FNDC5: variants seen among roughly 807,000 people sequenced by gnomAD.
The protein encoded by FNDC5 is fibronectin type III domain-containing protein 5.
In FNDC5, 10 loss-of-function variants were observed where a neutral mutation model predicts 24.6. The ratio of observed to expected loss-of-function variants is 0.41; its 90% CI spans 0.25 to 0.69. The LOEUF (loss-of-function observed/expected upper bound fraction) is 0.69. Ranked by LOEUF, FNDC5 falls within the 30% of genes least tolerant of loss-of-function variation. The pLI, the probability that FNDC5 is intolerant of heterozygous loss-of-function variation, is 0.34. For synonymous variants in FNDC5, 90 were observed against 110.7 expected (o/e 0.81, Z 1.18); for missense variants, 226 against 282.9 (o/e 0.80, Z 1.44).
intron 4 of FNDC5, among the ~76,000 whole-genome samples, chr1:32,867,115 A>T (rs1476178468): frequency 1.3e-5 from 2 of 152,200 alleles, no homozygotes; most frequent in East Asian, 3.8e-4. Flanking sequence ...AAACAAAAAA[A>T]AACTTGGTCT....
rs1641161805 is a variant in FNDC5 at position 32,870,564 on chromosome 1, G to C, written c.94+89C>G. 7.6e-6 allele frequency: 6 copies of C among 794,222 alleles called. No homozygotes were observed. In the Admixed American group the frequency reaches 2.5e-4, roughly 33 times the overall value. 49.2% of individuals were successfully genotyped at this position (794,222 alleles called of 1,614,324 possible). A position where few individuals can be genotyped will look rare whatever the true frequency, so the allele number is the denominator to read the frequency against. On this transcript the variant is annotated intron_variant, in intron 1 of 5. Transcript: ENST00000373471. The stretch of plus-strand genomic sequence containing the variant: ...TTTGGGCCGAGACAGGAGTCCCTAG[G>C]GGGCAGAGAAAGGACCAGGGGACTC...
intron 4 of FNDC5, among the ~76,000 whole-genome samples, chr1:32,865,315 T>C (rs2148709765): frequency 6.6e-6 from 1 of 150,608 alleles, no homozygotes; most frequent in Admixed American, 6.6e-5. Flanking sequence ...GTCAGGCTGG[T>C]CTCGAACTCC....
At chr1:32,867,522 T>TAC (rs111725524) in intron 4 of FNDC5, among the ~76,000 whole-genome samples, 133 of 152,336 alleles carry the variant, frequency 8.7e-4, no homozygotes, top group African/African-American at 3.1e-3. Flanking sequence ...CGAAGGCAAG[T>TAC]ACTCATCTAA....
Position 32,863,840 on chromosome 1 carries a change from G to T in FNDC5, c.*454C>A, listed in dbSNP as rs1482979494. The stretch of plus-strand genomic sequence containing the variant: ...TGTGAATAGCCTTCTTGCAAGGCTG[G>T]AAACAGGACAGAAGAAGGAAGGGAG... On this transcript the variant is annotated 3_prime_UTR_variant, in exon 6 of 6. Transcript: ENST00000373471. The T allele has an allele frequency of 1.1e-5, 14 of 1,306,338 alleles. No individual in the cohort carries two copies. Among genetic ancestry groups the T allele is most frequent in the Non-Finnish European group, 1.1e-5 (11 of 990,472 alleles). The allele number at this position is 1,306,338 out of a possible 1,614,324, so 80.9% of individuals were successfully genotyped here.
chr1:32,869,031 C>T, intron 1 of FNDC5, 34 bp from the exon 2 acceptor site: 9 of 1,178,708 alleles, frequency 7.6e-6, no homozygotes, highest in Non-Finnish European at 8.5e-6. Context: ...GCCTGAGCAT[C>T]CCCTATTGTG....
Position 32,868,433 on chromosome 1 carries a change from C to A in FNDC5, c.211-45G>T. 6.3e-7 allele frequency: 1 copy of A among 1,581,336 alleles called. No homozygotes were observed. The highest frequency in any genetic ancestry group is 1.7e-5 in the Admixed American group (1 of 57,474). Reference sequence around the variant, plus strand: ...ACTGCTGTCAACACTCGGTGACCAGCCCCGCTCCTGCCCACCTCCCAGTGG... The same window carrying A: ...ACTGCTGTCAACACTCGGTGACCAGACCCGCTCCTGCCCACCTCCCAGTGG... On this transcript the variant is annotated intron_variant, in intron 2 of 5. Transcript: ENST00000373471. This position sits in a 1 kb window ranked among gnomAD's most constrained non-coding sequence, Gnocchi z 4.8.
upstream of FNDC5, among the ~76,000 whole-genome samples, chr1:32,872,166 A>G (rs1200866576): frequency 6.6e-6 from 1 of 152,194 alleles, no homozygotes; most frequent in East Asian, 1.9e-4. Flanking sequence ...AGATTCACAC[A>G]GTGGGTCAAG....
intron 4 of FNDC5, among the ~76,000 whole-genome samples, chr1:32,864,999 A>G (rs1641043126): frequency 6.6e-6 from 1 of 152,102 alleles, no homozygotes; most frequent in Non-Finnish European, 1.5e-5. Flanking sequence ...TGATCTTCCT[A>G]CAATATGCGT....
At chr1:32,871,284 C>G (rs972176497), upstream of FNDC5, among the ~76,000 whole-genome samples, 16 of 151,970 alleles carry the variant, frequency 1.1e-4, no homozygotes, top group Admixed American at 7.9e-4. Context: ...CTAGGGATCC[C>G]CTCATTCCAC....
At chr1:32,867,385 A>G (rs1018236034) in intron 4 of FNDC5, among the ~76,000 whole-genome samples, 5 of 152,076 alleles carry the variant, frequency 3.3e-5, no homozygotes, top group Non-Finnish European at 1.5e-5. Context: ...ACTTCCCCTG[A>G]GCTTCCCAGG....
rs149745698 is a variant in FNDC5, at chr1:32,863,819, A to G, written c.*475T>C. On this transcript the variant is annotated 3_prime_UTR_variant, in exon 6 of 6. Coordinates refer to ENST00000373471, the MANE Select transcript of FNDC5 (RefSeq NM_153756.3). The stretch of plus-strand genomic sequence containing the variant: ...AGAGAAGCAGCCAGGCCTAATTGTG[A>G]ATAGCCTTCTTGCAAGGCTGGAAAC... The G allele has an allele frequency of 8.0e-5, 104 of 1,305,202 alleles. No individual in the cohort carries two copies. In the African/African-American group the frequency reaches 1.3e-3, roughly 17 times the overall value. 80.9% of individuals were successfully genotyped at this position (1,305,202 alleles called of 1,614,324 possible). A position where few individuals can be genotyped will look rare whatever the true frequency, so the allele number is the denominator to read the frequency against.
At chr1:32,867,560 G>T (rs376121516) in intron 4 of FNDC5, among the ~76,000 whole-genome samples, 193 bp downstream of exon 4, 1 of 152,180 alleles carries the variant, frequency 6.6e-6, no homozygotes, top group South Asian at 2.1e-4. Flanking sequence ...CAATATGCTG[G>T]TTTTTTGGTG....
chr1:32,868,851 T>C lies in FNDC5; in HGVS notation c.210+31A>G. 8.1e-7 allele frequency: 1 copy of C among 1,227,420 alleles called. No homozygotes were observed. Among genetic ancestry groups the C allele is most frequent in the Non-Finnish European group, 1.0e-6 (1 of 976,882 alleles). The allele number at this position is 1,227,420 out of a possible 1,614,324, so 76.0% of individuals were successfully genotyped here. ...CATCTGCCACTACTGTCTTGATGTG[T>C]CCTTCCCTCCTAAGGACAGTGGAGC... is the stretch of plus-strand genomic sequence containing the variant. On this transcript the variant is annotated intron_variant, in intron 2 of 5. Transcript: ENST00000373471. This position sits in a 1 kb window ranked among gnomAD's most constrained non-coding sequence, Gnocchi z 4.8.
rs1028005342 is a variant in FNDC5, at chr1:32,868,721, G to A, written c.210+161C>T. On this transcript the variant is annotated intron_variant, in intron 2 of 5. Transcript: ENST00000373471. The surrounding 1 kb of genome is among the most constrained non-coding windows in gnomAD (Gnocchi z 4.8). The stretch of plus-strand genomic sequence containing the variant: ...ATTTTCAGACATATGTCTGAATGGG[G>A]CCCCAATTTTCAGACATATGTCCAA... 6.6e-6 allele frequency among the ~76,000 whole-genome samples: 1 copy of A among 151,954 alleles called. No individual in the cohort carries two copies. The highest frequency in any genetic ancestry group is 1.5e-5 in the Non-Finnish European group (1 of 67,986).
At position 32,868,136 on chromosome 1, in the gene FNDC5, G is replaced by T; in HGVS notation, c.409+54C>A. On this transcript the variant is annotated intron_variant, in intron 3 of 5. Coordinates refer to ENST00000373471, the MANE Select transcript of FNDC5 (RefSeq NM_153756.3). This position sits in a 1 kb window ranked among gnomAD's most constrained non-coding sequence, Gnocchi z 4.8. Reference sequence around the variant, plus strand: ...TTTCCTCAAGCCACCCACTGGTCTGGTCCTGACCACCCCTCACCCCACCCC... The same window carrying T: ...TTTCCTCAAGCCACCCACTGGTCTGTTCCTGACCACCCCTCACCCCACCCC... 6.3e-6 allele frequency: 10 copies of T among 1,595,108 alleles called. No homozygotes were observed. The highest frequency in any genetic ancestry group is 7.7e-6 in the Non-Finnish European group (9 of 1,168,464).
chr1:32,868,974 C>T lies in FNDC5; in HGVS notation c.118G>A (p.Val40Ile), dbSNP rs904804099. 14 of 1,234,080 alleles carry T rather than the reference C, an allele frequency of 1.1e-5. No individual in the cohort carries two copies. The highest frequency in any genetic ancestry group is 9.3e-5 in the African/African-American group (6 of 64,450). 76.4% of individuals were successfully genotyped at this position (1,234,080 alleles called of 1,614,324 possible). The change falls in exon 2 of 6, where the codon GTC becomes ATC. Residue 40 changes from valine to isoleucine, a missense_variant. Coordinates refer to ENST00000373471, the MANE Select transcript of FNDC5 (RefSeq NM_153756.3). The surrounding 1 kb of genome is among the most constrained non-coding windows in gnomAD (Gnocchi z 4.8). Reference sequence around the variant, plus strand: ...TTGGCCTTGAGGTGCCTGACGGTGACGTTCACTGGGGCTGAGGGACTGTCT... The same window carrying T: ...TTGGCCTTGAGGTGCCTGACGGTGATGTTCACTGGGGCTGAGGGACTGTCT...
At chr1:32,864,387 A>C (rs1569985855) in intron 5 of FNDC5, 88 bp from the exon 6 acceptor site, 3 of 1,577,240 alleles carry the variant, frequency 1.9e-6, no homozygotes, top group African/African-American at 2.7e-5. Context: ...TGGGCCAGAC[A>C]CCCCACTCCT....
In FNDC5 at chr1:32,867,760, CATG is replaced by C; in HGVS notation, c.489_491del (p.Phe163_Met164delinsLeu). 1 of 1,613,912 alleles carries C rather than the reference CATG, an allele frequency of 6.2e-7. No homozygotes were observed. The highest frequency in any genetic ancestry group is 8.5e-7 in the Non-Finnish European group (1 of 1,179,878). ...CTCGGAGGCCAGACTCACCTGCCCA[CATG>C]AACAGGACCACGACGATGATCAGCA... On this transcript the variant is annotated inframe_deletion, in exon 4 of 6. Coordinates refer to ENST00000373471, the MANE Select transcript of FNDC5 (RefSeq NM_153756.3).
chr1:32,870,167 C>T (rs548587907), intron 1 of FNDC5, among the ~76,000 whole-genome samples: 2 of 152,252 alleles, frequency 1.3e-5, no homozygotes, highest in East Asian at 3.9e-4. Flanking sequence ...TGTACCAGAT[C>T]AGGGGTGCCG....
Sources: allele counts gnomAD v4.1 joint callset (sites outside exome capture counted in the v4.1 genomes callset), GRCh38; gene constraint gnomAD v4.1.1; non-coding constraint Gnocchi (gnomAD v3.1); transcripts MANE v1.5; gene names NCBI Gene and HGNC (gene_info 2026-07-23, HGNC 2026-07-21).